Variants in KLHL18 observed in about 807,000 individuals in gnomAD.
KLHL18 encodes kelch like family member 18.
A neutral mutation model predicts 58.5 loss-of-function variants in KLHL18; 38 were observed. That is an observed-to-expected ratio of 0.65 (90% CI 0.50 to 0.85). KLHL18 has a LOEUF of 0.85. Among genes scored for constraint, KLHL18 ranks in the 40% least tolerant of loss-of-function variants. KLHL18 has a pLI of 0.00. For missense variants in KLHL18, 624 were observed against 778.4 expected, an observed-to-expected ratio of 0.80 and a Z score of 2.36; for synonymous variants, 303 against 301.9, an observed-to-expected ratio of 1.00 and a Z score of -0.04.
chr3:47,328,513 A>T (rs1314400816), intron 3 of KLHL18, among the ~76,000 whole-genome samples: 1 of 152,138 alleles, frequency 6.6e-6, no homozygotes, highest in East Asian at 1.9e-4. Flanking sequence ...GGAAGAACAT[A>T]ACCCACCCAA....
chr3:47,297,597 C>T (rs747247835), intron 1 of KLHL18: 1 of 456,700 alleles, frequency 2.2e-6, no homozygotes, highest in South Asian at 1.5e-5. Flanking sequence ...GAAGGTCATG[C>T]TTTTCCACCT....
chr3:47,305,334 G>GTTTTTTTTT (rs397744565), intron 1 of KLHL18, among the ~76,000 whole-genome samples: 5 of 70,386 alleles, frequency 7.1e-5, no homozygotes, highest in Non-Finnish European at 1.3e-4. Flanking sequence ...ATTTTGTCAA[G>GTTTTTTTTT]TTTTTTTTTT....
chr3:47,305,938 C>T (rs1288565037), intron 1 of KLHL18, among the ~76,000 whole-genome samples: 2 of 152,038 alleles, frequency 1.3e-5, no homozygotes, highest in South Asian at 2.1e-4. Flanking sequence ...GTAGTATTAT[C>T]GACTGTTTCA....
intron 2 of KLHL18, 85 bp from the exon 3 acceptor site, chr3:47,322,483 A>T: frequency 7.5e-7 from 1 of 1,332,312 alleles, no homozygotes; most frequent in South Asian, 1.7e-5. Context: ...TGGGCTAAGT[A>T]ATGTCAGTTC....
chr3:47,319,504 C>T (rs1703533582), intron 1 of KLHL18, 149 bp from the exon 2 acceptor site: 1 of 707,106 alleles, frequency 1.4e-6, no homozygotes, highest in Non-Finnish European at 2.4e-6. Flanking sequence ...AAGCCTTGGC[C>T]TCCATGCCCT....
At chr3:47,321,199 A>G (rs563509123) in intron 2 of KLHL18, among the ~76,000 whole-genome samples, 2 of 151,238 alleles carry the variant, frequency 1.3e-5, no homozygotes, top group South Asian at 4.2e-4. Flanking sequence ...ATGGAGTCTC[A>G]CTCTTGGCAC....
At chr3:47,333,368 A>G in intron 5 of KLHL18, 51 bp downstream of exon 5, 1 of 1,558,372 alleles carries the variant, frequency 6.4e-7, no homozygotes. Flanking sequence ...TAAGCAGGGA[A>G]GAGGAGTTGG....
intron 4 of KLHL18, 36 bp downstream of exon 4, chr3:47,330,185 T>C (rs778418553): frequency 6.4e-7 from 1 of 1,564,838 alleles, no homozygotes; most frequent in African/African-American, 1.3e-5. Flanking sequence ...GCAGGTGACA[T>C]GAGATGCTGC....
rs1212200214 is a variant in KLHL18 at position 47,345,389 on chromosome 3, A to G, written c.*1448A>G. The G allele has an allele frequency of 6.6e-6, 1 of 152,650 alleles. No homozygotes were observed. Among genetic ancestry groups the G allele is most frequent in the Admixed American group, 6.5e-5 (1 of 15,286 alleles). 9.5% of individuals were successfully genotyped at this position (152,650 alleles called of 1,614,324 possible). On this transcript the variant is annotated 3_prime_UTR_variant, in exon 10 of 10. Transcript: ENST00000232766. ...TTCAAGCACAGCTGGCTTTTATGAC[A>G]TAAAGAACTAAAGGCCGAAAGAATC...
intron 2 of KLHL18, among the ~76,000 whole-genome samples, chr3:47,321,337 T>G (rs993092560): frequency 4.7e-5 from 7 of 148,626 alleles, no homozygotes; most frequent in African/African-American, 1.5e-4. Context: ...TTTTTTTTTG[T>G]TTTGTTTTGT....
intron 1 of KLHL18, among the ~76,000 whole-genome samples, chr3:47,300,008 G>T (rs1702980607): frequency 6.6e-6 from 1 of 151,428 alleles, no homozygotes; most frequent in Non-Finnish European, 1.5e-5. Context: ...AATTGCATGA[G>T]CCAATTCCTT....
At chr3:47,330,208 T>C in intron 4 of KLHL18, 59 bp downstream of exon 4, 1 of 1,464,346 alleles carries the variant, frequency 6.8e-7, no homozygotes, top group Non-Finnish European at 9.5e-7. Context: ...TTTATAGTCA[T>C]TGTTTTGTTT....
At chr3:47,316,406 T>G (rs1363740093) in intron 1 of KLHL18, among the ~76,000 whole-genome samples, 3 of 150,682 alleles carry the variant, frequency 2.0e-5, no homozygotes, top group Non-Finnish European at 4.4e-5. Flanking sequence ...GAGGATTGCT[T>G]GAAGCCAGGA....
intron 8 of KLHL18, 63 bp downstream of exon 8, chr3:47,340,739 C>CTGTAG: frequency 6.3e-7 from 1 of 1,590,726 alleles, no homozygotes; most frequent in South Asian, 1.1e-5. Context: ...AAAATCAGAA[C>CTGTAG]TGTAGTTTTT....
chr3:47,328,303 C>G (rs1220327025), intron 3 of KLHL18, among the ~76,000 whole-genome samples: 2 of 151,012 alleles, frequency 1.3e-5, no homozygotes, highest in Non-Finnish European at 2.9e-5. Context: ...GAGGTCAAGG[C>G]TATCATGAGC....
In KLHL18 at chr3:47,292,700, G is replaced by GT. The variant is rs1702814663; in HGVS notation, c.129+9609dup. ...GCAGGCAGATGGCATGAACCCAGGA[G>GT]TTTGAGACCAGCCTGGGCCACATGT... On this transcript the variant is annotated intron_variant, in intron 1 of 9. Transcript: ENST00000232766. 3.3e-5 allele frequency among the ~76,000 whole-genome samples: 5 copies of GT among 151,918 alleles called. No individual in the cohort carries two copies. The South Asian group carries it at 1.0e-3, about 32-fold the overall frequency.
Position 47,283,159 on chromosome 3 carries a change from G to A in KLHL18, c.129+65G>A. Reference sequence around the variant, plus strand: ...GTCGAGCGGGGAGTAAAAAGGGGCGGGGGACAGAGAAAGAGAGGTCTAGCA... The same window carrying A: ...GTCGAGCGGGGAGTAAAAAGGGGCGAGGGACAGAGAAAGAGAGGTCTAGCA... On this transcript the variant is annotated intron_variant, in intron 1 of 9. Coordinates refer to ENST00000232766, the MANE Select transcript of KLHL18 (RefSeq NM_025010.5). 5 of 1,461,162 alleles carry A rather than the reference G, an allele frequency of 3.4e-6. No homozygotes were observed. The South Asian group carries it at 6.1e-5, about 18-fold the overall frequency. The allele number at this position is 1,461,162 out of a possible 1,614,324, so 90.5% of individuals were successfully genotyped here. A position where few individuals can be genotyped will look rare whatever the true frequency, so the allele number is the denominator to read the frequency against.
At chr3:47,304,978 T>C (rs917780851) in intron 1 of KLHL18, among the ~76,000 whole-genome samples, 20 of 151,526 alleles carry the variant, frequency 1.3e-4, no homozygotes, top group Non-Finnish European at 2.4e-4. Flanking sequence ...GAACTAAGAT[T>C]GGATCACTGC....
rs1702527279 is a variant in KLHL18, at chr3:47,283,305, GA to G, written c.129+214del. 3.7e-5 allele frequency: 22 copies of G among 595,682 alleles called. No homozygotes were observed. In the South Asian group the frequency reaches 4.5e-4, roughly 12 times the overall value. 36.9% of individuals were successfully genotyped at this position (595,682 alleles called of 1,614,324 possible). Reference sequence around the variant, plus strand: ...AGGACAACCTTTCAGCCCTTGAAAGGAAAGGTTGAGAGGTGCGCCGCTTAGG... The same window carrying G: ...AGGACAACCTTTCAGCCCTTGAAAGGAAGGTTGAGAGGTGCGCCGCTTAGG... On this transcript the variant is annotated intron_variant, in intron 1 of 9. Coordinates refer to ENST00000232766, the MANE Select transcript of KLHL18 (RefSeq NM_025010.5).
Sources: gnomAD v4.1 joint callset for allele counts (sites outside exome capture counted in the v4.1 genomes callset) on GRCh38, gnomAD v4.1.1 for gene constraint, MANE v1.5 for transcripts, NCBI Gene and HGNC (gene_info 2026-07-23, HGNC 2026-07-21) for gene names.